The following SORT1 variants were observed in gnomAD, a reference collection of about 807,000 sequenced individuals.
SORT1 encodes the protein sortilin 1.
In SORT1, 39 loss-of-function variants were observed where a neutral mutation model predicts 101.7. The observed-to-expected ratio is 0.38, with a 90% CI of 0.30 to 0.50. The LOEUF is 0.50. Among genes scored for constraint, SORT1 ranks in the 20% least tolerant of loss-of-function variants. The pLI, the probability that SORT1 is intolerant of heterozygous loss-of-function variation, is 0.90. For synonymous variants in SORT1, 396 were observed against 393.7 expected, an observed-to-expected ratio of 1.01 and a Z score of -0.07; for missense variants, 878 against 1,040.4, an observed-to-expected ratio of 0.84 and a Z score of 2.15.
At chr1:109,353,222 G>C (rs1322077042) in intron 5 of SORT1, among the ~76,000 whole-genome samples, 2 of 151,716 alleles carry the variant, frequency 1.3e-5, no homozygotes, top group Non-Finnish European at 2.9e-5. Flanking sequence ...CAGCTACTCT[G>C]GAGGCTGAGG....
At chr1:109,390,495 C>T (rs1353575753) in intron 1 of SORT1, among the ~76,000 whole-genome samples, 2 of 152,220 alleles carry the variant, frequency 1.3e-5, no homozygotes, top group African/African-American at 4.8e-5. Context: ...TCCATAATCA[C>T]ACAGCTATGA....
chr1:109,373,305 G>T (rs1487992959), intron 1 of SORT1, among the ~76,000 whole-genome samples: 1 of 152,072 alleles, frequency 6.6e-6, no homozygotes, highest in African/African-American at 2.4e-5. Context: ...GTCTGGGGAG[G>T]CCAAAGAGGT....
chr1:109,375,198 G>C (rs1203065113), intron 1 of SORT1, among the ~76,000 whole-genome samples: 1 of 152,072 alleles, frequency 6.6e-6, no homozygotes, highest in Non-Finnish European at 1.5e-5. Context: ...TTTTGAAGTA[G>C]AACAACTTCA....
chr1:109,353,739 A>G (rs1314648642), intron 5 of SORT1, among the ~76,000 whole-genome samples: 2 of 152,212 alleles, frequency 1.3e-5, no homozygotes, highest in Admixed American at 1.3e-4. Context: ...TGATTATTAT[A>G]GTCTAGCAAC....
At chr1:109,333,591 C>A (rs975007217) in intron 11 of SORT1, among the ~76,000 whole-genome samples, 2 of 152,054 alleles carry the variant, frequency 1.3e-5, no homozygotes, top group African/African-American at 4.8e-5. Context: ...GGGCAAAGGA[C>A]CTGAACAGCC....
At chr1:109,358,749 G>A (rs1390813833) in intron 3 of SORT1, among the ~76,000 whole-genome samples, 5 of 151,938 alleles carry the variant, frequency 3.3e-5, no homozygotes, top group Non-Finnish European at 5.9e-5. Context: ...TGCTACTCAG[G>A]AGGCTGAGGC....
In SORT1 at chr1:109,321,862, C is replaced by T. The variant is rs1049350696; in HGVS notation, c.2024+1070G>A. 3.9e-5 allele frequency among the ~76,000 whole-genome samples: 6 copies of T among 152,190 alleles called. No homozygotes were observed. The South Asian group carries it at 6.2e-4, about 16-fold the overall frequency. On this transcript the variant is annotated intron_variant, in intron 15 of 19. Coordinates refer to ENST00000256637, the MANE Select transcript of SORT1 (RefSeq NM_002959.7). Reference sequence around the variant, plus strand: ...CATTTAAGCTATCCAGGGACTCATGCCCTTATATAATCAACTAACCCAATG... The same window carrying T: ...CATTTAAGCTATCCAGGGACTCATGTCCTTATATAATCAACTAACCCAATG...
chr1:109,351,004 T>C lies in SORT1; in HGVS notation c.709-2A>G. 1 of 1,594,780 alleles carries C rather than the reference T, an allele frequency of 6.3e-7. No homozygotes were observed. The highest frequency in any genetic ancestry group is 8.6e-7 in the Non-Finnish European group (1 of 1,162,160). Reference sequence around the variant, plus strand: ...ATTCTTGGACACCCACAGGCCATTCTGAAAGATTATAAATGACTTATCAAA... The same window carrying C: ...ATTCTTGGACACCCACAGGCCATTCCGAAAGATTATAAATGACTTATCAAA... On this transcript the variant is annotated splice_acceptor_variant, in intron 5 of 19. Transcript: ENST00000256637. LOFTEE classifies it high-confidence loss of function.
At chr1:109,357,160 C>T (rs1650379057) in intron 3 of SORT1, among the ~76,000 whole-genome samples, 1 of 152,212 alleles carries the variant, frequency 6.6e-6, no homozygotes, top group African/African-American at 2.4e-5. Flanking sequence ...CAGTAACATG[C>T]TCTACAGGTT....
intron 15 of SORT1, among the ~76,000 whole-genome samples, chr1:109,320,662 A>G (rs1034103345): frequency 2.6e-5 from 4 of 152,144 alleles, no homozygotes; most frequent in African/African-American, 9.7e-5. Flanking sequence ...GCTCTACATG[A>G]AATGTTCTCT....
chr1:109,375,433 C>A (rs926847101), intron 1 of SORT1, among the ~76,000 whole-genome samples: 1 of 147,472 alleles, frequency 6.8e-6, no homozygotes, highest in African/African-American at 2.5e-5. Flanking sequence ...GTACCAGCTA[C>A]GCGGGAGGCT....
intron 8 of SORT1, 83 bp downstream of exon 8, chr1:109,345,668 G>T: frequency 7.6e-7 from 1 of 1,319,706 alleles, no homozygotes; most frequent in Non-Finnish European, 1.1e-6. Context: ...AAGAAACTCT[G>T]TCAATGCCAA....
chr1:109,377,754 G>A (rs1651957445), intron 1 of SORT1, among the ~76,000 whole-genome samples: 1 of 152,182 alleles, frequency 6.6e-6, no homozygotes, highest in African/African-American at 2.4e-5. Flanking sequence ...TACAGAGTTG[G>A]GAGGCAGATA....
rs943578868 is a variant in SORT1 at position 109,313,379 on chromosome 1, T to A, written c.*664A>T. The A allele has an allele frequency of 1.3e-5, 2 of 152,710 alleles. No homozygotes were observed. Among genetic ancestry groups the A allele is most frequent in the Non-Finnish European group, 2.9e-5 (2 of 68,116 alleles). The allele number at this position is 152,710 out of a possible 1,614,324, so 9.5% of individuals were successfully genotyped here. On this transcript the variant is annotated 3_prime_UTR_variant, in exon 20 of 20. Transcript: ENST00000256637. ...ATGTACTGTGTGGGAAGCACATGGT[T>A]AAGTTAGTTGCCAAAGGGCAATTAA...
intron 8 of SORT1, among the ~76,000 whole-genome samples, chr1:109,344,687 C>T (rs1649464752): frequency 1.3e-5 from 2 of 152,122 alleles, no homozygotes; most frequent in South Asian, 4.1e-4. Flanking sequence ...ACCTGATACA[C>T]ACACACTCAC....
At chr1:109,388,738 T>G (rs551413091) in intron 1 of SORT1, among the ~76,000 whole-genome samples, 74 of 152,300 alleles carry the variant, frequency 4.9e-4, no homozygotes, top group Non-Finnish European at 9.6e-4. Context: ...CTGTACTATC[T>G]TCACAATGAC....
At chr1:109,384,485 A>G (rs1652450851) in intron 1 of SORT1, among the ~76,000 whole-genome samples, 1 of 152,246 alleles carries the variant, frequency 6.6e-6, no homozygotes, top group Non-Finnish European at 1.5e-5. Flanking sequence ...AGAAGCAAAC[A>G]GGCAGACAAT....
intron 11 of SORT1, among the ~76,000 whole-genome samples, chr1:109,333,874 T>C (rs576997149): frequency 3.0e-4 from 46 of 152,294 alleles, no homozygotes; most frequent in African/African-American, 1.1e-3. Flanking sequence ...GGGCCGAGCA[T>C]GGTGGCTCAT....
chr1:109,360,495 A>ATT (rs774193343), intron 3 of SORT1, among the ~76,000 whole-genome samples: 25 of 132,146 alleles, frequency 1.9e-4, no homozygotes, highest in African/African-American at 1.7e-4. Flanking sequence ...ACCACACTCA[A>ATT]TTTTTTTTTT....
Sources: gnomAD v4.1 joint callset for allele counts (sites outside exome capture counted in the v4.1 genomes callset) on GRCh38, gnomAD v4.1.1 for gene constraint, MANE v1.5 for transcripts, NCBI Gene and HGNC (gene_info 2026-07-23, HGNC 2026-07-21) for gene names.